Variants in ASPH observed in about 807,000 individuals in gnomAD.
The protein encoded by ASPH is aspartate beta-hydroxylase.
A neutral mutation model predicts 118.4 loss-of-function variants in ASPH; 100 were observed. The observed-to-expected ratio is 0.84, with a 90% CI of 0.72 to 1.00. ASPH has a LOEUF of 1.00. Ranked by LOEUF, ASPH falls within the 50% of genes least tolerant of loss-of-function variation. ASPH has a pLI of 0.00. For missense variants in ASPH, 920 were observed against 919.5 expected, an observed-to-expected ratio of 1.00 and a Z score of -0.01; for synonymous variants, 315 against 325.6, an observed-to-expected ratio of 0.97 and a Z score of 0.35.
Position 61,611,492 on chromosome 8 carries a change from G to A in ASPH, c.976+7486C>T, listed in dbSNP as rs569127910. Among the ~76,000 whole-genome samples, 5 of 152,304 alleles carry A rather than the reference G, an allele frequency of 3.3e-5. No individual in the cohort carries two copies. In the South Asian group the frequency reaches 8.3e-4, roughly 25 times the overall value. On this transcript the variant is annotated intron_variant, in intron 14 of 24. Coordinates refer to ENST00000379454, the MANE Select transcript of ASPH (RefSeq NM_004318.4). The stretch of plus-strand genomic sequence containing the variant: ...GCAAGAATCACTGGAGGCTGCCTTC[G>A]AGGCTGACTACTATAAAAATCTACC...
At chr8:61,521,540 T>C (rs910818107) in intron 22 of ASPH, among the ~76,000 whole-genome samples, 4 of 152,194 alleles carry the variant, frequency 2.6e-5, no homozygotes, top group Non-Finnish European at 5.9e-5. Flanking sequence ...CCAAAGCCTA[T>C]GCTTTAAAGC....
At chr8:61,579,281 C>T (rs982221037) in intron 15 of ASPH, 25 of 1,613,996 alleles carry the variant, frequency 1.5e-5, no homozygotes, top group African/African-American at 1.1e-4. Context: ...CCAAGTTGTC[C>T]GAGCTGGAGG....
chr8:61,605,459 A>G (rs1845286986), intron 14 of ASPH, among the ~76,000 whole-genome samples: 1 of 152,224 alleles, frequency 6.6e-6, no homozygotes, highest in Non-Finnish European at 1.5e-5. Flanking sequence ...ATGGGAGAAA[A>G]AGCTCAGAGA....
In ASPH at chr8:61,662,759, A is replaced by C. The variant is rs1490404878; in HGVS notation, c.323-9099T>G. On this transcript the variant is annotated intron_variant, in intron 3 of 24. Transcript: ENST00000379454. ...CTTTTAAAGGATCTTTAAATGTTTT[A>C]GTTGAGGTGTTTCAATTCTTGAGCT... 8.8e-5 allele frequency: 66 copies of C among 751,700 alleles called. 1 individual carries two copies. The highest frequency in any genetic ancestry group is 1.0e-4 in the Non-Finnish European group (63 of 617,040). 46.6% of individuals were successfully genotyped at this position (751,700 alleles called of 1,614,324 possible).
At chr8:61,584,581 G>A (rs1315335593) in intron 14 of ASPH, among the ~76,000 whole-genome samples, 1 of 151,678 alleles carries the variant, frequency 6.6e-6, no homozygotes, top group African/African-American at 2.4e-5. Flanking sequence ...CCCCAAATAA[G>A]CTTTTTGTGC....
intron 3 of ASPH, among the ~76,000 whole-genome samples, chr8:61,670,963 C>A (rs192242596): frequency 7.9e-4 from 120 of 152,142 alleles, no homozygotes; most frequent in African/African-American, 2.6e-3. Flanking sequence ...AGAATGACTG[C>A]TAACAAGGGA....
intron 16 of ASPH, among the ~76,000 whole-genome samples, chr8:61,575,751 T>C (rs1156419935): frequency 6.6e-6 from 1 of 152,230 alleles, no homozygotes; most frequent in Non-Finnish European, 1.5e-5. Flanking sequence ...TGCCCTGAGC[T>C]AGACAATTCT....
Position 61,526,086 on chromosome 8 carries a change from G to C in ASPH, c.1791C>G (p.Ile597Met). The C allele has an allele frequency of 6.2e-7, 1 of 1,613,996 alleles. No homozygotes were observed. The highest frequency in any genetic ancestry group is 1.3e-5 in the African/African-American group (1 of 75,036). Reference protein sequence around the residue: ...VKSLERNWKLIRDEGLAVMDK... With the variant: ...VKSLERNWKLMRDEGLAVMDK... The stretch of plus-strand genomic sequence containing the variant: ...CCATCACTGCAAGGCCTTCATCTCG[G>C]ATTAACTTCCAGTTTCTTTCTAAAG... The change falls in exon 22 of 25, where the codon ATC becomes ATG. Residue 597 changes from isoleucine (I) to methionine (M), a missense_variant. Ile to Met is a conservative substitution (Grantham distance 10, BLOSUM62 1). Coordinates refer to ENST00000379454, the MANE Select transcript of ASPH (RefSeq NM_004318.4).
At chr8:61,665,576 T>C in intron 3 of ASPH, 1 of 1,591,538 alleles carries the variant, frequency 6.3e-7, no homozygotes, top group East Asian at 2.2e-5. Flanking sequence ...CTCTTTCTCC[T>C]TCTTGAGCTC....
At chr8:61,547,956 C>T (rs1824525140) in intron 21 of ASPH, 115 bp downstream of exon 21, 3 of 1,386,572 alleles carry the variant, frequency 2.2e-6, no homozygotes, top group South Asian at 3.0e-5. Flanking sequence ...TTGCAAATGT[C>T]ACTAGAAATA....
intron 21 of ASPH, among the ~76,000 whole-genome samples, chr8:61,529,914 T>C (rs2129630306): frequency 6.6e-6 from 1 of 152,316 alleles, no homozygotes; most frequent in South Asian, 2.1e-4. Context: ...CCTTAAGGCA[T>C]AATCATCACC....
chr8:61,695,469 C>T (rs771358426), intron 1 of ASPH, among the ~76,000 whole-genome samples: 20 of 152,188 alleles, frequency 1.3e-4, no homozygotes, highest in Non-Finnish European at 2.6e-4. Flanking sequence ...GGGCTCTCAG[C>T]CCAGACTTTT....
At chr8:61,671,955 G>T (rs1321539818) in intron 3 of ASPH, among the ~76,000 whole-genome samples, 1 of 152,200 alleles carries the variant, frequency 6.6e-6, no homozygotes, top group East Asian at 1.9e-4. Flanking sequence ...AATTGGTCTG[G>T]ATATCACTTC....
intron 16 of ASPH, among the ~76,000 whole-genome samples, chr8:61,572,814 C>A (rs148861661): frequency 2.0e-5 from 3 of 152,176 alleles, no homozygotes; most frequent in African/African-American, 7.2e-5. Context: ...CACAAGGAGG[C>A]CCTCTCTCAC....
intron 14 of ASPH, among the ~76,000 whole-genome samples, chr8:61,605,546 T>C (rs1845317477): frequency 6.6e-6 from 1 of 152,206 alleles, no homozygotes; most frequent in African/African-American, 2.4e-5. Context: ...CAAGAACCCT[T>C]TCTACTGTAC....
intron 16 of ASPH, among the ~76,000 whole-genome samples, chr8:61,576,028 C>G (rs2132096223): frequency 6.6e-6 from 1 of 152,310 alleles, no homozygotes; most frequent in South Asian, 2.1e-4. Flanking sequence ...TCTTGCCTAC[C>G]ATCCCCTGAT....
At chr8:61,648,319 T>C (rs1809101477) in intron 5 of ASPH, among the ~76,000 whole-genome samples, 1 of 152,196 alleles carries the variant, frequency 6.6e-6, no homozygotes, top group Non-Finnish European at 1.5e-5. Flanking sequence ...CCTTCCTTAG[T>C]TACTCTCCCT....
chr8:61,653,447 GTAGT>G (rs1812111596), intron 4 of ASPH, 117 bp downstream of exon 4: 2 of 871,868 alleles, frequency 2.3e-6, no homozygotes, highest in Non-Finnish European at 3.4e-6. Context: ...GAGAAAAAAA[GTAGT>G]TAATTATTCT....
At chr8:61,505,956 C>A (rs1806380424) in intron 24 of ASPH, among the ~76,000 whole-genome samples, 1 of 152,100 alleles carries the variant, frequency 6.6e-6, no homozygotes. Flanking sequence ...GTGGGTACCA[C>A]AAACGAGCCT....
Sources: gnomAD v4.1 joint callset for allele counts (sites outside exome capture counted in the v4.1 genomes callset) on GRCh38, gnomAD v4.1.1 for gene constraint, MANE v1.5 for transcripts, NCBI Gene and HGNC (gene_info 2026-07-23, HGNC 2026-07-21) for gene names.